DSCAM: variants seen among roughly 807,000 people sequenced by gnomAD.
The protein encoded by DSCAM is DS cell adhesion molecule, also known as cell adhesion molecule DSCAM.
Under a neutral mutation model 217.7 loss-of-function variants are expected in DSCAM, and 47 were observed. The ratio of observed to expected loss-of-function variants is 0.22; its 90% confidence interval spans 0.17 to 0.28. The LOEUF (loss-of-function observed/expected upper bound fraction) is 0.28, where lower values mean the gene tolerates loss of function less well. Among genes scored for constraint, DSCAM ranks in the 10% least tolerant of loss-of-function variants. DSCAM has a pLI of 1.00. For synonymous variants in DSCAM, 1,056 were observed against 1,015.3 expected (o/e 1.04, Z -0.76); for missense variants, 2,080 against 2,618.3 (o/e 0.79, Z 4.49).
At chr21:40,537,326 CAT>C (rs1186428149) in intron 3 of DSCAM, among the ~76,000 whole-genome samples, 2 of 152,172 alleles carry the variant, frequency 1.3e-5, no homozygotes, top group Admixed American at 6.5e-5. Context: ...TGATTTATGA[CAT>C]AGATCGGTGC....
intron 1 of DSCAM, among the ~76,000 whole-genome samples, chr21:40,778,681 A>G (rs2091511464): frequency 6.6e-6 from 1 of 152,156 alleles, no homozygotes; most frequent in Non-Finnish European, 1.5e-5. Flanking sequence ...AAGTGTGACA[A>G]ATAGAAGTCA....
chr21:40,418,637 A>G (rs1481099505), intron 3 of DSCAM, among the ~76,000 whole-genome samples: 1 of 152,240 alleles, frequency 6.6e-6, no homozygotes, highest in African/African-American at 2.4e-5. Flanking sequence ...GAAAACATCT[A>G]ATTAATTATC....
chr21:40,836,025 T>A (rs2092052953), intron 1 of DSCAM, among the ~76,000 whole-genome samples: 1 of 152,228 alleles, frequency 6.6e-6, no homozygotes, highest in South Asian at 2.1e-4. Flanking sequence ...GGCTCTGGAA[T>A]GAGCTTGTGC....
chr21:40,117,070 A>T lies in DSCAM; in HGVS notation c.3696+7125T>A, dbSNP rs972343318. 2.7e-4 allele frequency among the ~76,000 whole-genome samples: 40 copies of T among 148,574 alleles called. 1 individual carries two copies. The highest frequency in any genetic ancestry group is 3.4e-3 in the Middle Eastern group (1 of 290). On this transcript the variant is annotated intron_variant, in intron 20 of 32. Transcript: ENST00000400454. ...ATTTAAATAAAATGATGGAAGAATG[A>T]TTTCTATGTAAGTGATTTAAAAGCA...
chr21:40,126,947 G>A (rs2090100221), intron 19 of DSCAM, among the ~76,000 whole-genome samples: 1 of 152,212 alleles, frequency 6.6e-6, no homozygotes, highest in African/African-American at 2.4e-5. Flanking sequence ...TAACATTTTA[G>A]TTCTGGTTTG....
intron 6 of DSCAM, among the ~76,000 whole-genome samples, chr21:40,341,856 C>T (rs909581471): frequency 1.8e-4 from 27 of 152,230 alleles, no homozygotes; most frequent in African/African-American, 6.3e-4. Flanking sequence ...CAGAGCAGTC[C>T]GTATCACCCA....
At chr21:40,829,335 G>C (rs2091994769) in intron 1 of DSCAM, among the ~76,000 whole-genome samples, 1 of 152,204 alleles carries the variant, frequency 6.6e-6, no homozygotes, top group Non-Finnish European at 1.5e-5. Flanking sequence ...AAGGTGTGAA[G>C]TAGTCTTCCC....
intron 9 of DSCAM, among the ~76,000 whole-genome samples, chr21:40,302,955 C>T (rs372035221): frequency 3.9e-5 from 6 of 151,962 alleles, no homozygotes; most frequent in East Asian, 1.9e-4. Context: ...TGTAGTCCAG[C>T]GTTTTATGTT....
At chr21:40,156,361 A>G (rs905457803) in intron 16 of DSCAM, among the ~76,000 whole-genome samples, 3 of 149,010 alleles carry the variant, frequency 2.0e-5, no homozygotes, top group African/African-American at 4.9e-5. Flanking sequence ...TAAAGGAGTA[A>G]GCGGCATCAG....
intron 3 of DSCAM, among the ~76,000 whole-genome samples, chr21:40,461,588 C>T (rs1402533365): frequency 6.6e-6 from 1 of 152,078 alleles, no homozygotes; most frequent in Non-Finnish European, 1.5e-5. Context: ...GTCCCAATCC[C>T]CCCACAAATA....
At chr21:40,552,449 C>T (rs2837701) in intron 3 of DSCAM, among the ~76,000 whole-genome samples, 15 of 152,034 alleles carry the variant, frequency 9.9e-5, no homozygotes, top group Non-Finnish European at 1.8e-4. Context: ...TGGAAACTCA[C>T]GTAGTCTAGA....
chr21:40,666,763 A>C (rs1301074354), intron 3 of DSCAM, among the ~76,000 whole-genome samples: 1 of 152,230 alleles, frequency 6.6e-6, no homozygotes, highest in African/African-American at 2.4e-5. Flanking sequence ...GCTAGACAAC[A>C]ATGACATAAA....
chr21:40,060,285 G>T (rs1427914339), intron 28 of DSCAM, among the ~76,000 whole-genome samples: 1 of 152,252 alleles, frequency 6.6e-6, no homozygotes, highest in Non-Finnish European at 1.5e-5. Flanking sequence ...CATAGAGGAT[G>T]CTTGCTAATG....
chr21:40,100,130 T>C (rs1203972594), intron 20 of DSCAM, among the ~76,000 whole-genome samples: 1 of 152,202 alleles, frequency 6.6e-6, no homozygotes, highest in Non-Finnish European at 1.5e-5. Flanking sequence ...AACAGAGGGA[T>C]GCAGTGTAAA....
chr21:40,118,025 T>C (rs1292402013), intron 20 of DSCAM, among the ~76,000 whole-genome samples: 2 of 152,108 alleles, frequency 1.3e-5, no homozygotes, highest in Non-Finnish European at 2.9e-5. Context: ...TACTTAGATA[T>C]TGGATGGAAG....
intron 30 of DSCAM, among the ~76,000 whole-genome samples, chr21:40,046,419 T>C (rs1471786497): frequency 7.6e-6 from 1 of 131,762 alleles, no homozygotes; most frequent in Non-Finnish European, 1.7e-5. Context: ...AAGACTTCAT[T>C]AGATTTTTTT....
chr21:40,234,877 A>AGG (rs1236431394), intron 11 of DSCAM, among the ~76,000 whole-genome samples: 1 of 152,118 alleles, frequency 6.6e-6, no homozygotes, highest in Non-Finnish European at 1.5e-5. Flanking sequence ...AGGTCACAGG[A>AGG]GGCTTCTTGG....
intron 11 of DSCAM, among the ~76,000 whole-genome samples, chr21:40,245,197 G>A (rs1455043157): frequency 6.6e-6 from 1 of 152,206 alleles, no homozygotes; most frequent in Non-Finnish European, 1.5e-5. Context: ...TTGGGGTAAT[G>A]ACACATGATG....
At chr21:40,060,817 G>A (rs1031398948) in intron 28 of DSCAM, among the ~76,000 whole-genome samples, 1 of 152,170 alleles carries the variant, frequency 6.6e-6, no homozygotes, top group African/African-American at 2.4e-5. Context: ...CAAGTCATGT[G>A]ACTCTGACTT....
Sources: allele counts gnomAD v4.1 joint callset (sites outside exome capture counted in the v4.1 genomes callset), GRCh38; gene constraint gnomAD v4.1.1; transcripts MANE v1.5; gene names NCBI Gene and HGNC (gene_info 2026-07-23, HGNC 2026-07-21).